FGF12: variants seen among roughly 807,000 people sequenced by gnomAD.
The protein encoded by FGF12 is fibroblast growth factor 12B.
A neutral mutation model predicts 23.6 loss-of-function variants in FGF12; 14 were observed. The ratio of observed to expected loss-of-function variants is 0.59; its 90% CI spans 0.39 to 0.93. The LOEUF (loss-of-function observed/expected upper bound fraction) is 0.93. Ranked by LOEUF, FGF12 falls within the 40% of genes least tolerant of loss-of-function variation. FGF12 has a pLI of 0.00. For missense variants in FGF12, 175 were observed against 217.8 expected, an observed-to-expected ratio of 0.80 and a Z score of 1.24; for synonymous variants, 62 against 77.3, an observed-to-expected ratio of 0.80 and a Z score of 1.04.
In FGF12 at chr3:192,673,285, G is replaced by A. The variant is rs549234277; in HGVS notation, c.13+53896C>T. 4.7e-4 allele frequency: 71 copies of A among 150,948 alleles called. 1 individual carries two copies. The highest frequency in any genetic ancestry group is 2.1e-4 in the South Asian group (1 of 4,764). The allele number at this position is 150,948 out of a possible 1,614,324, so 9.4% of individuals were successfully genotyped here. A position where few individuals can be genotyped will look rare whatever the true frequency, so the allele number is the denominator to read the frequency against. On this transcript the variant is annotated intron_variant, in intron 2 of 5. Transcript: ENST00000445105. The stretch of plus-strand genomic sequence containing the variant: ...GGCCTGTGGTGCTGGCAAGAAAAAC[G>A]TAAAGAACACTGTAATACAGAGACA...
chr3:192,353,530 C>T (rs1371713464), intron 3 of FGF12, among the ~76,000 whole-genome samples: 2 of 152,020 alleles, frequency 1.3e-5, no homozygotes, highest in Admixed American at 6.6e-5. Context: ...CCACCACACC[C>T]GCCTAATTTT....
chr3:192,468,105 G>C (rs1487631497), intron 2 of FGF12, among the ~76,000 whole-genome samples: 1 of 152,164 alleles, frequency 6.6e-6, no homozygotes, highest in East Asian at 1.9e-4. Context: ...GAATACATAA[G>C]AGACATGGAG....
At chr3:192,198,238 T>C (rs549394553) in intron 4 of FGF12, among the ~76,000 whole-genome samples, 1 of 152,322 alleles carries the variant, frequency 6.6e-6, no homozygotes, top group East Asian at 1.9e-4. Flanking sequence ...AACTTTTTTA[T>C]GACCAAAATG....
chr3:192,441,551 CT>C (rs1238725116), intron 2 of FGF12, among the ~76,000 whole-genome samples: 1 of 152,192 alleles, frequency 6.6e-6, no homozygotes, highest in Non-Finnish European at 1.5e-5. Context: ...AACCTCTTTA[CT>C]CAATTATTTG....
intron 2 of FGF12, among the ~76,000 whole-genome samples, chr3:192,701,910 T>C (rs1718310294): frequency 6.6e-6 from 1 of 152,126 alleles, no homozygotes; most frequent in Admixed American, 6.5e-5. Flanking sequence ...ATTCCCAGTA[T>C]ATAATACAAT....
At chr3:192,149,324 A>G (rs1356339653) in intron 5 of FGF12, among the ~76,000 whole-genome samples, 1 of 125,076 alleles carries the variant, frequency 8.0e-6, no homozygotes, top group Non-Finnish European at 1.8e-5. Flanking sequence ...CCTTTTTTTT[A>G]TTATTATACT....
chr3:192,562,783 G>A (rs549607902), intron 2 of FGF12, among the ~76,000 whole-genome samples: 5 of 151,136 alleles, frequency 3.3e-5, no homozygotes, highest in African/African-American at 1.2e-4. Flanking sequence ...TGCCCAGGCT[G>A]GAGTGCAGTG....
chr3:192,687,690 C>T (rs1040926184), intron 2 of FGF12, among the ~76,000 whole-genome samples: 1 of 152,088 alleles, frequency 6.6e-6, no homozygotes, highest in Non-Finnish European at 1.5e-5. Flanking sequence ...GTAGCAGGCC[C>T]CACCCCCCAG....
chr3:192,495,226 A>G (rs1723916247), intron 2 of FGF12, among the ~76,000 whole-genome samples: 1 of 152,184 alleles, frequency 6.6e-6, no homozygotes, highest in Non-Finnish European at 1.5e-5. Flanking sequence ...AAGAAACCTA[A>G]TAACAAAGCT....
intron 2 of FGF12, among the ~76,000 whole-genome samples, chr3:192,587,142 T>A (rs1031787768): frequency 6.8e-6 from 1 of 148,050 alleles, no homozygotes; most frequent in African/African-American, 2.4e-5. Context: ...GTGCTGCTCA[T>A]AACTGCTCCA....
At chr3:192,422,035 TTA>T (rs764286543) in intron 2 of FGF12, among the ~76,000 whole-genome samples, 43 of 540 alleles carry the variant, frequency 0.08, 1 homozygote, top group Non-Finnish European at 0.15. Flanking sequence ...TTGCTTTAGT[TTA>T]TTTTTTTTTG....
chr3:192,283,556 G>C (rs1317006563), intron 4 of FGF12, among the ~76,000 whole-genome samples: 1 of 152,004 alleles, frequency 6.6e-6, no homozygotes, highest in African/African-American at 2.4e-5. Flanking sequence ...ATAGTTATTT[G>C]TGTACACATG....
intron 2 of FGF12, among the ~76,000 whole-genome samples, chr3:192,654,589 G>A (rs182686990): frequency 2.0e-5 from 3 of 152,294 alleles, no homozygotes; most frequent in African/African-American, 4.8e-5. Context: ...AATGATAGCC[G>A]AGTTAAGGAT....
chr3:192,211,484 G>C (rs1189942650), intron 4 of FGF12, among the ~76,000 whole-genome samples: 1 of 142,180 alleles, frequency 7.0e-6, no homozygotes, highest in Non-Finnish European at 1.5e-5. Flanking sequence ...GGAGTGCAGC[G>C]GCGCAATCTC....
intron 2 of FGF12, among the ~76,000 whole-genome samples, chr3:192,576,852 G>T (rs189755478): frequency 2.2e-3 from 331 of 152,170 alleles, no homozygotes; most frequent in African/African-American, 6.6e-3. Context: ...GTGACACATA[G>T]ACACCATGGA....
intron 2 of FGF12, among the ~76,000 whole-genome samples, chr3:192,546,461 T>C (rs1725496421): frequency 6.8e-6 from 1 of 146,170 alleles, no homozygotes; most frequent in African/African-American, 2.6e-5. Flanking sequence ...CTGTAACATG[T>C]TTGTCATGAG....
intron 2 of FGF12, among the ~76,000 whole-genome samples, chr3:192,639,284 C>T (rs914414355): frequency 6.6e-6 from 1 of 152,058 alleles, no homozygotes; most frequent in African/African-American, 2.4e-5. Context: ...TGGCTATTAC[C>T]AAAGAGTTAA....
chr3:192,269,626 T>C (rs952862496), intron 4 of FGF12, among the ~76,000 whole-genome samples: 4 of 152,222 alleles, frequency 2.6e-5, no homozygotes, highest in Admixed American at 2.0e-4. Context: ...ATATTTATTA[T>C]GACTAGTTAT....
At chr3:192,727,066 C>A in intron 2 of FGF12, 115 bp downstream of exon 2, 6 of 1,308,556 alleles carry the variant, frequency 4.6e-6, no homozygotes, top group Non-Finnish European at 6.5e-6. Context: ...AGCATCTCCT[C>A]CTCTATCGAC....
Sources: allele counts gnomAD v4.1 joint callset (sites outside exome capture counted in the v4.1 genomes callset), GRCh38; gene constraint gnomAD v4.1.1; transcripts MANE v1.5; gene names NCBI Gene and HGNC (gene_info 2026-07-23, HGNC 2026-07-21).